UNC13C: variants seen among roughly 807,000 people sequenced by gnomAD.
UNC13C encodes protein unc-13 homolog C.
A neutral mutation model predicts 245.4 loss-of-function variants in UNC13C; 174 were observed. The observed-to-expected ratio is 0.71, with a 90% CI of 0.63 to 0.80. The LOEUF is 0.80. UNC13C is among the 30% of genes least tolerant of loss of function. The pLI is 0.00. For synonymous variants in UNC13C, 992 were observed against 895.1 expected (o/e 1.11, Z -1.93); for missense variants, 2,829 against 2,602.9 (o/e 1.09, Z -1.89).
chr15:54,013,407 C>T lies in UNC13C; in HGVS notation c.504C>T (p.Asp168=), dbSNP rs201832839. The T allele has an allele frequency of 7.3e-5, 118 of 1,613,766 alleles. No individual in the cohort carries two copies. Among genetic ancestry groups the T allele is most frequent in the South Asian group, 1.2e-4 (11 of 91,082 alleles). ...TTGCACCCTCTGAGGGCAGCTCTGA[C>T]GGGGAGCGTACTCTACATGGCTTAA... The part of the protein sequence containing the change: ...SSLAPSEGSS[D]GERTLHGLKL... The change falls in exon 2 of 33, where the codon GAC becomes GAT. Residue 168 remains aspartate (D), a synonymous_variant. Coordinates refer to ENST00000260323, the MANE Select transcript of UNC13C (RefSeq NM_001080534.3).
intron 1 of UNC13C, among the ~76,000 whole-genome samples, chr15:53,982,857 G>T (rs1027972870): frequency 3.3e-5 from 5 of 152,110 alleles, no homozygotes; most frequent in African/African-American, 1.2e-4. Context: ...ACTGCACTGT[G>T]CAGACTCTGT....
chr15:54,043,045 T>C (rs1294944825), intron 2 of UNC13C, among the ~76,000 whole-genome samples: 1 of 152,124 alleles, frequency 6.6e-6, no homozygotes, highest in East Asian at 1.9e-4. Flanking sequence ...TAACATGTTC[T>C]TGCCTCAGAA....
chr15:54,334,772 T>C (rs1008999030), intron 16 of UNC13C, among the ~76,000 whole-genome samples: 7 of 152,164 alleles, frequency 4.6e-5, no homozygotes, highest in African/African-American at 7.2e-5. Flanking sequence ...CAGCTAATGA[T>C]GGCGAGACCC....
At chr15:53,886,178 C>T in the UNC13C span, among the ~76,000 whole-genome samples, 2 of 152,156 alleles carry the variant, frequency 1.3e-5, no homozygotes, top group Non-Finnish European at 2.9e-5. Flanking sequence ...TTAGTACCAA[C>T]AAGCATACCG....
At chr15:54,484,701 C>T (rs1014777715) in intron 19 of UNC13C, among the ~76,000 whole-genome samples, 2 of 151,898 alleles carry the variant, frequency 1.3e-5, no homozygotes, top group Non-Finnish European at 2.9e-5. Context: ...TTCAGAAAAG[C>T]TAAGGAAAAA....
Position 54,014,044 on chromosome 15 carries a change from T to C in UNC13C, c.1141T>C (p.Phe381Leu). The C allele has an allele frequency of 6.2e-7, 1 of 1,613,818 alleles. No individual in the cohort carries two copies. The highest frequency in any genetic ancestry group is 8.5e-7 in the Non-Finnish European group (1 of 1,179,840). The change falls in exon 2 of 33, where the codon TTT becomes CTT. Residue 381 changes from phenylalanine to leucine, a missense_variant. Transcript: ENST00000260323. The part of the protein sequence containing the change: ...NAKPRPILVY[F>L]ETPQQRDSVL... ...AAAGCCTCGACCCATACTTGTGTAC[T>C]TTGAAACCCCTCAACAAAGGGATTC...
chr15:54,302,737 T>C (rs1480282539), intron 13 of UNC13C, among the ~76,000 whole-genome samples: 1 of 152,144 alleles, frequency 6.6e-6, no homozygotes, highest in Non-Finnish European at 1.5e-5. Context: ...TTGCTTAGGA[T>C]TGTCTTGGCT....
chr15:54,382,606 A>G (rs1428594847), intron 17 of UNC13C, among the ~76,000 whole-genome samples: 1 of 152,094 alleles, frequency 6.6e-6, no homozygotes, highest in Non-Finnish European at 1.5e-5. Context: ...CAATGAAAAA[A>G]AAAACTCAGA....
At chr15:54,077,841 A>T (rs1307419291) in intron 2 of UNC13C, among the ~76,000 whole-genome samples, 2 of 152,174 alleles carry the variant, frequency 1.3e-5, no homozygotes, top group Admixed American at 6.5e-5. Flanking sequence ...TTTATTACAG[A>T]TTTAGGGGGT....
At chr15:54,472,915 G>T (rs907211979) in intron 19 of UNC13C, among the ~76,000 whole-genome samples, 7 of 151,782 alleles carry the variant, frequency 4.6e-5, no homozygotes, top group African/African-American at 1.7e-4. Context: ...TGTTGCATGG[G>T]TATATTGCAT....
At chr15:54,525,675 T>TGACAA in intron 25 of UNC13C, 38 bp downstream of exon 25, 1 of 1,530,286 alleles carries the variant, frequency 6.5e-7, no homozygotes, top group Non-Finnish European at 9.0e-7. Flanking sequence ...AATTAGATAA[T>TGACAA]TAGGTGTCAG....
intron 2 of UNC13C, among the ~76,000 whole-genome samples, chr15:54,124,759 C>A (rs35711176): frequency 0.38 from 57,834 of 151,726 alleles, 11,128 homozygotes; most frequent in African/African-American, 0.41. Context: ...TATATTTTAC[C>A]TTTAAATCTA....
rs1014918483 is a variant in UNC13C, at chr15:54,235,172, A to G, written c.3150+64A>G. 7.1e-6 allele frequency: 10 copies of G among 1,416,538 alleles called. No individual in the cohort carries two copies. In the East Asian group the frequency reaches 1.1e-4, roughly 16 times the overall value. The allele number at this position is 1,416,538 out of a possible 1,614,324, so 87.7% of individuals were successfully genotyped here. On this transcript the variant is annotated intron_variant, in intron 5 of 32. Transcript: ENST00000260323. ...TGGTTTTTTTCCTTACTAAAATGTA[A>G]TGTCCTTCTCATTCACTGTCTAGCC...
In UNC13C at chr15:54,333,776, C is replaced by T. The variant is rs1196330700; in HGVS notation, c.4504C>T (p.Pro1502Ser). Residue 1502 changes from proline (P) to serine (S), a missense_variant, in exon 16 of 33, where the codon CCT (proline) becomes TCT (serine). Physicochemically the swap from Pro to Ser is moderately conservative, Grantham distance 74. Transcript: ENST00000260323. ...TTTCCTAATTAACCAGGAAAACTTT[C>T]CTGCAAGCAATACTGAAAGACTGCA... ...IDLSKYRENF[P>S]ASNTERLQDL... The T allele has an allele frequency of 6.2e-7, 1 of 1,601,614 alleles. No individual in the cohort carries two copies. The highest frequency in any genetic ancestry group is 8.5e-7 in the Non-Finnish European group (1 of 1,173,184).
chr15:54,057,958 A>G (rs1222579569), intron 2 of UNC13C, among the ~76,000 whole-genome samples: 1 of 152,228 alleles, frequency 6.6e-6, no homozygotes, highest in Non-Finnish European at 1.5e-5. Context: ...ACTCATTCAG[A>G]GCAGTGTGTA....
At chr15:54,097,171 T>C (rs1488795258) in intron 2 of UNC13C, among the ~76,000 whole-genome samples, 1 of 152,220 alleles carries the variant, frequency 6.6e-6, no homozygotes, top group Non-Finnish European at 1.5e-5. Context: ...GTCCTTCAAA[T>C]ATTTATGGAA....
chr15:53,851,772 C>T, the UNC13C span, among the ~76,000 whole-genome samples: 1 of 152,120 alleles, frequency 6.6e-6, no homozygotes. Flanking sequence ...CACGCCTGTC[C>T]AACGAAGTCT....
At chr15:53,924,528 TGA>T in the UNC13C span, among the ~76,000 whole-genome samples, 1 of 152,194 alleles carries the variant, frequency 6.6e-6, no homozygotes, top group Non-Finnish European at 1.5e-5. Context: ...AAGGAAATAG[TGA>T]GAGGGTGCAC....
intron 4 of UNC13C, among the ~76,000 whole-genome samples, chr15:54,198,885 G>C (rs1211412081): frequency 6.6e-6 from 1 of 151,968 alleles, no homozygotes; most frequent in African/African-American, 2.4e-5. Context: ...GCCAGAAAAA[G>C]AATTCAGAAG....
Sources: gnomAD v4.1 joint callset for allele counts (sites outside exome capture counted in the v4.1 genomes callset) on GRCh38, gnomAD v4.1.1 for gene constraint, MANE v1.5 for transcripts, NCBI Gene and HGNC (gene_info 2026-07-23, HGNC 2026-07-21) for gene names.